ANO2: variants seen among roughly 807,000 people sequenced by gnomAD.
ANO2 encodes the protein anoctamin-2.
Under a neutral mutation model 124.2 loss-of-function variants are expected in ANO2, and 101 were observed. The observed-to-expected ratio is 0.81, with a 90% CI of 0.69 to 0.96. The LOEUF is 0.96. Among genes scored for constraint, ANO2 ranks in the 40% least tolerant of loss-of-function variants. The pLI, the probability that ANO2 is intolerant of heterozygous loss-of-function variation, is 0.00. For missense variants in ANO2, 1,293 were observed against 1,274.5 expected, an observed-to-expected ratio of 1.01 and a Z score of -0.22; for synonymous variants, 486 against 482.5, an observed-to-expected ratio of 1.01 and a Z score of -0.09.
intron 14 of ANO2, among the ~76,000 whole-genome samples, chr12:5,670,710 TAAA>T (rs1480951310): frequency 2.7e-5 from 4 of 149,024 alleles, no homozygotes; most frequent in African/African-American, 1.0e-4. Flanking sequence ...AATTTTTTTT[TAAA>T]AAATGTTATA....
At chr12:5,667,911 C>T (rs183510081) in intron 14 of ANO2, among the ~76,000 whole-genome samples, 2 of 152,320 alleles carry the variant, frequency 1.3e-5, no homozygotes, top group Non-Finnish European at 2.9e-5. Context: ...GCATAGTATT[C>T]CATGGTATAT....
At chr12:5,655,002 C>T (rs922486814) in intron 14 of ANO2, among the ~76,000 whole-genome samples, 8 of 152,148 alleles carry the variant, frequency 5.3e-5, no homozygotes, top group African/African-American at 1.9e-4. Context: ...CAGGTGTGCC[C>T]CCGTTGCTGC....
In ANO2 at chr12:5,922,739, C is replaced by A; in HGVS notation, c.88G>T (p.Gly30Cys). ...AGACACTGCTGTCCATGTTTGGGGC[C>A]CTGGCCCCCTCTGGACCCTGCCTGA... The part of the protein sequence containing the change: ...SPQAGSRGGQ[G>C]PKHGQQCLKM... Residue 30 changes from glycine to cysteine, a missense_variant, in exon 2 of 25, where the codon GGC (glycine) becomes TGC (cysteine). Transcript: ENST00000682330. The A allele has an allele frequency of 6.3e-7, 1 of 1,599,944 alleles. No individual in the cohort carries two copies. The highest frequency in any genetic ancestry group is 8.5e-7 in the Non-Finnish European group (1 of 1,174,164).
chr12:5,870,998 G>A (rs1419653730), intron 3 of ANO2, among the ~76,000 whole-genome samples: 1 of 152,184 alleles, frequency 6.6e-6, no homozygotes, highest in African/African-American at 2.4e-5. Context: ...AGTATATTAA[G>A]TAATTTCAAA....
At chr12:5,723,223 G>A (rs2137054821) in intron 14 of ANO2, among the ~76,000 whole-genome samples, 1 of 152,290 alleles carries the variant, frequency 6.6e-6, no homozygotes, top group South Asian at 2.1e-4. Flanking sequence ...GAGTCCAGCT[G>A]CTCACAGTCC....
intron 3 of ANO2, among the ~76,000 whole-genome samples, chr12:5,919,232 C>T (rs117201460): frequency 0.011 from 1,706 of 152,284 alleles, 16 homozygotes; most frequent in Non-Finnish European, 0.019. Context: ...AAGGAGGTGA[C>T]ATTTGAGCAG....
chr12:5,645,321 G>A (rs182344281), intron 15 of ANO2, among the ~76,000 whole-genome samples: 44 of 152,150 alleles, frequency 2.9e-4, no homozygotes, highest in African/African-American at 8.9e-4. Flanking sequence ...CCCGGGGGGC[G>A]GAGGTTGCAG....
At chr12:5,903,758 G>A (rs1476151543) in intron 3 of ANO2, among the ~76,000 whole-genome samples, 4 of 152,038 alleles carry the variant, frequency 2.6e-5, no homozygotes, top group African/African-American at 4.8e-5. Context: ...CAGATAAACC[G>A]CAGCCCTTTG....
At chr12:5,637,128 G>A (rs1946064731) in intron 15 of ANO2, among the ~76,000 whole-genome samples, 1 of 152,096 alleles carries the variant, frequency 6.6e-6, no homozygotes, top group African/African-American at 2.4e-5. Flanking sequence ...GACTACTATC[G>A]TGTAACTGGG....
intron 11 of ANO2, among the ~76,000 whole-genome samples, chr12:5,748,464 T>G (rs1368860290): frequency 6.6e-6 from 1 of 152,170 alleles, no homozygotes; most frequent in Non-Finnish European, 1.5e-5. Flanking sequence ...ACTTCTCTGC[T>G]TATTAGAAAA....
chr12:5,845,979 T>C (rs1954674267), intron 4 of ANO2, among the ~76,000 whole-genome samples: 1 of 152,270 alleles, frequency 6.6e-6, no homozygotes, highest in African/African-American at 2.4e-5. Context: ...CTTATAAGAC[T>C]TTTGATCTCA....
At chr12:5,844,483 T>C (rs939270831) in intron 4 of ANO2, among the ~76,000 whole-genome samples, 3 of 152,206 alleles carry the variant, frequency 2.0e-5, no homozygotes, top group African/African-American at 7.2e-5. Flanking sequence ...AAGGTAACTG[T>C]CCTAAGGCCC....
intron 3 of ANO2, among the ~76,000 whole-genome samples, chr12:5,888,989 G>A (rs1939185423): frequency 6.6e-6 from 1 of 152,244 alleles, no homozygotes; most frequent in South Asian, 2.1e-4. Flanking sequence ...GGAGCCCACA[G>A]CTGGGGAGGC....
chr12:5,685,139 C>T (rs942123750), intron 14 of ANO2, among the ~76,000 whole-genome samples: 2 of 152,158 alleles, frequency 1.3e-5, no homozygotes, highest in Non-Finnish European at 2.9e-5. Flanking sequence ...GAGTCCTGTC[C>T]ACTCCTGGGC....
chr12:5,869,979 G>C (rs1955527692), intron 3 of ANO2, among the ~76,000 whole-genome samples: 1 of 152,062 alleles, frequency 6.6e-6, no homozygotes, highest in African/African-American at 2.4e-5. Flanking sequence ...AGAAAGGCAG[G>C]AGCCCTCCCC....
chr12:5,742,856 C>T (rs1205052001), intron 12 of ANO2, among the ~76,000 whole-genome samples: 1 of 152,066 alleles, frequency 6.6e-6, no homozygotes, highest in African/African-American at 2.4e-5. Flanking sequence ...CAACAAGCCC[C>T]AACTTCAGTG....
intron 7 of ANO2, among the ~76,000 whole-genome samples, chr12:5,819,040 G>A (rs770900992): frequency 3.3e-5 from 5 of 152,188 alleles, no homozygotes; most frequent in African/African-American, 4.8e-5. Flanking sequence ...CTTATCATGC[G>A]AGTGGCTGAC....
Position 5,768,044 on chromosome 12 carries a change from C to G in ANO2, c.1056-17074G>C, listed in dbSNP as rs557214509. Among the ~76,000 whole-genome samples, 5 of 152,316 alleles carry G rather than the reference C, an allele frequency of 3.3e-5. No homozygotes were observed. The East Asian group carries it at 9.6e-4, about 29-fold the overall frequency. On this transcript the variant is annotated intron_variant, in intron 10 of 24. Transcript: ENST00000682330. ...TACCGAGATGTGTCCCTCACCCTTC[C>G]TGACCTACTATCTGGGCAGTGCCAA...
chr12:5,675,311 G>T (rs552714513), intron 14 of ANO2, among the ~76,000 whole-genome samples: 1 of 152,034 alleles, frequency 6.6e-6, no homozygotes, highest in Non-Finnish European at 1.5e-5. Flanking sequence ...TCTTCCCATC[G>T]TGCTTCCATG....
Sources: allele counts gnomAD v4.1 joint callset (sites outside exome capture counted in the v4.1 genomes callset), GRCh38; gene constraint gnomAD v4.1.1; transcripts MANE v1.5; gene names NCBI Gene and HGNC (gene_info 2026-07-23, HGNC 2026-07-21).